Variants in MIB2 observed in about 807,000 individuals in gnomAD.
The protein encoded by MIB2 is MIB E3 ubiquitin protein ligase 2.
In MIB2, 78 loss-of-function variants were observed where a neutral mutation model predicts 96.6. The ratio of observed to expected loss-of-function variants is 0.81; its 90% CI spans 0.67 to 0.97. The LOEUF (loss-of-function observed/expected upper bound fraction) is 0.97. Among genes scored for constraint, MIB2 ranks in the 50% least tolerant of loss-of-function variants. The pLI is 0.00. For missense variants in MIB2, 1,543 were observed against 1,424.0 expected, an observed-to-expected ratio of 1.08 and a Z score of -1.35; for synonymous variants, 820 against 629.5, an observed-to-expected ratio of 1.30 and a Z score of -4.53.
Position 1,623,859 on chromosome 1 carries a change from C to G in MIB2, c.333C>G (p.Asp111Glu), listed in dbSNP as rs200757265. 1 of 1,611,712 alleles carries G rather than the reference C, an allele frequency of 6.2e-7. No homozygotes were observed. ...GMRWKCRVCL[D>E]YDLCTQCYMH... is the part of the protein sequence containing the mutation. The stretch of plus-strand genomic sequence containing the variant: ...GCTGGAAGTGCCGTGTGTGCCTGGA[C>G]TACGACCTCTGCACGCAGTGCTACA... The change falls in exon 4 of 20, where the codon GAC becomes GAG. Residue 111 changes from aspartate (D) to glutamate (E), a missense_variant. By Grantham distance (45) the Asp-to-Glu change is conservative. Transcript: ENST00000355826.
chr1:1,621,883 C>T (rs928151285), intron 2 of MIB2, among the ~76,000 whole-genome samples: 7 of 152,236 alleles, frequency 4.6e-5, no homozygotes, highest in African/African-American at 1.7e-4. Context: ...GGCTCCTCAC[C>T]GGGCCTTGCT....
intron 1 of MIB2, chr1:1,615,894 C>A: frequency 4.8e-6 from 5 of 1,038,140 alleles, no homozygotes; most frequent in Non-Finnish European, 5.8e-6. Flanking sequence ...GCCAGCGGCG[C>A]TGGGGTCGGC....
At position 1,625,441 on chromosome 1, in the gene MIB2, G is replaced by C. The variant is rs376051136; in HGVS notation, c.864+13G>C. The stretch of plus-strand genomic sequence containing the variant: ...CAGGATGGCGGAGGTGAGCCGCCCC[G>C]CCGTGGAGCCCTGTGTGCCCTGCCC... On this transcript the variant is annotated intron_variant, in intron 7 of 19. Coordinates refer to ENST00000355826, the MANE Select transcript of MIB2 (RefSeq NM_001170687.4). The surrounding 1 kb of genome is among the most constrained non-coding windows in gnomAD (Gnocchi z 5.0). The C allele has an allele frequency of 1.9e-6, 3 of 1,562,814 alleles. No homozygotes were observed.
At chr1:1,617,922 T>C (rs1450330355) in intron 2 of MIB2, 1 of 152,242 alleles carries the variant, frequency 6.6e-6, no homozygotes, top group Non-Finnish European at 1.5e-5. Context: ...TCTGAGTAAA[T>C]TTCTGACTGA....
intron 2 of MIB2, among the ~76,000 whole-genome samples, chr1:1,620,496 T>C (rs1012440688): frequency 6.6e-6 from 1 of 152,156 alleles, no homozygotes; most frequent in African/African-American, 2.4e-5. Context: ...TGGCCGATTC[T>C]GGTGGGATCC....
intron 13 of MIB2, 48 bp downstream of exon 13, chr1:1,627,877 T>C: frequency 6.3e-7 from 1 of 1,594,528 alleles, no homozygotes; most frequent in Non-Finnish European, 8.5e-7. Flanking sequence ...TGAGTGCTTG[T>C]CCCTGGCCTG....
Position 1,624,823 on chromosome 1 carries a change from C to CCAT in MIB2, c.449_450insATC (p.Pro150_Arg151insSer). On this transcript the variant is annotated inframe_insertion, in exon 5 of 20. Coordinates refer to ENST00000355826, the MANE Select transcript of MIB2 (RefSeq NM_001170687.4). The stretch of plus-strand genomic sequence containing the variant: ...CACACTGAGTCCCCGCCAGGGCCTC[C>CCAT]CGAGGATCCCACTAAGGGGCATCTT... 6.2e-7 allele frequency: 1 copy of CCAT among 1,613,068 alleles called. No individual in the cohort carries two copies. The highest frequency in any genetic ancestry group is 8.5e-7 in the Non-Finnish European group (1 of 1,179,984).
chr1:1,629,028 T>G, intron 16 of MIB2, 105 bp from the exon 17 acceptor site: 1 of 1,243,470 alleles, frequency 8.0e-7, no homozygotes, highest in Non-Finnish European at 1.1e-6. Flanking sequence ...TTGCCTTGTA[T>G]TTTAGACATG....
In MIB2 at chr1:1,623,636, A is replaced by G. The variant is rs1644462077; in HGVS notation, c.184A>G (p.Thr62Ala). The part of the protein sequence containing the change: ...VVVQWDQGTR[T>A]NYRAGYQGAH... ...CGTGCAGTGGGACCAGGGCACGCGC[A>G]CCAACTACCGCGCCGGCTACCAGGG... The change falls in exon 3 of 20, where the codon ACC (threonine) becomes GCC (alanine). Residue 62 changes from threonine to alanine, a missense_variant. Physicochemically the swap from Thr to Ala is moderately conservative, Grantham distance 58. Transcript: ENST00000355826. 1.4e-6 allele frequency: 2 copies of G among 1,479,086 alleles called. No homozygotes were observed. Among genetic ancestry groups the G allele is most frequent in the Non-Finnish European group, 1.8e-6 (2 of 1,112,736 alleles). 91.6% of individuals were successfully genotyped at this position (1,479,086 alleles called of 1,614,324 possible). A position where few individuals can be genotyped will look rare whatever the true frequency, so the allele number is the denominator to read the frequency against.
In MIB2 at chr1:1,628,673, T is replaced by C. The variant is rs770589202; in HGVS notation, c.2153T>C (p.Val718Ala). ...CAGCGTCATCAGCTGCTGCCCCTGGTGGCTGATGGGGCCGGGGGGGACCCA... is the reference window on the plus strand; with the variant it reads ...CAGCGTCATCAGCTGCTGCCCCTGGCGGCTGATGGGGCCGGGGGGGACCCA... Reference protein sequence around the residue: ...ALQRHQLLPLVADGAGGDPGP... With the variant: ...ALQRHQLLPLAADGAGGDPGP... The change falls in exon 16 of 20, where the codon GTG becomes GCG. Residue 718 changes from valine to alanine, a missense_variant. Transcript: ENST00000355826. 5.1e-6 allele frequency: 8 copies of C among 1,583,990 alleles called. No individual in the cohort carries two copies. The Admixed American group carries it at 1.4e-4, about 28-fold the overall frequency.
At chr1:1,628,943 G>C (rs1645085220) in intron 16 of MIB2, 190 bp from the exon 17 acceptor site, 1 of 720,690 alleles carries the variant, frequency 1.4e-6, no homozygotes, top group African/African-American at 1.8e-5. Context: ...GGGAGAGGTG[G>C]AGCTTAGGGT....
rs769925678 is a variant in MIB2 at position 1,629,277 on chromosome 1, C to T, written c.2347C>T (p.Leu783Phe). The T allele has an allele frequency of 1.3e-6, 2 of 1,542,478 alleles. No homozygotes were observed. Among genetic ancestry groups the T allele is most frequent in the Non-Finnish European group, 1.7e-6 (2 of 1,156,642 alleles). ...PLDLAAEGRVLKALQGCAQRF... is the reference protein window; with the variant it reads ...PLDLAAEGRVFKALQGCAQRF... ...GGACCTGGCCGCCGAGGGTCGCGTG[C>T]TCAAGGCCCTTCAGGGCTGCGCCCA... The change falls in exon 17 of 20, where the codon CTC becomes TTC. Residue 783 changes from leucine to phenylalanine, a missense_variant. Coordinates refer to ENST00000355826, the MANE Select transcript of MIB2 (RefSeq NM_001170687.4).
chr1:1,625,993 A>C lies in MIB2; in HGVS notation c.972+340A>C. The C allele has an allele frequency of 1.2e-5, 3 of 245,320 alleles. No individual in the cohort carries two copies. Among genetic ancestry groups the C allele is most frequent in the Non-Finnish European group, 1.5e-5 (2 of 131,482 alleles). The allele number at this position is 245,320 out of a possible 1,614,324, so 15.2% of individuals were successfully genotyped here. A position where few individuals can be genotyped will look rare whatever the true frequency, so the allele number is the denominator to read the frequency against. On this transcript the variant is annotated intron_variant, in intron 8 of 19. Transcript: ENST00000355826. The surrounding 1 kb of genome is among the most constrained non-coding windows in gnomAD (Gnocchi z 5.0). Reference sequence around the variant, plus strand: ...CCTGGTTAGTGCTGTATGGGGGCCGATGGGGGTGGCTGGTTAGGACAGGGA... The same window carrying C: ...CCTGGTTAGTGCTGTATGGGGGCCGCTGGGGGTGGCTGGTTAGGACAGGGA...
At chr1:1,615,210 C>G, upstream of MIB2, 2 of 650,326 alleles carry the variant, frequency 3.1e-6, no homozygotes, top group Non-Finnish European at 4.8e-6. Context: ...CGGATAGGGC[C>G]CGCACTGGTG....
At chr1:1,613,775 A>T (rs1020008541), upstream of MIB2, 1 of 152,202 alleles carries the variant, frequency 6.6e-6, no homozygotes, top group Non-Finnish European at 1.5e-5. Flanking sequence ...AGAGCTTAGG[A>T]TTTTATTTTT....
chr1:1,625,990 C>T lies in MIB2; in HGVS notation c.972+337C>T. 1 of 328,414 alleles carries T rather than the reference C, an allele frequency of 3.0e-6. No homozygotes were observed. The highest frequency in any genetic ancestry group is 5.6e-6 in the Non-Finnish European group (1 of 178,106). 20.3% of individuals were successfully genotyped at this position (328,414 alleles called of 1,614,324 possible). A position where few individuals can be genotyped will look rare whatever the true frequency, so the allele number is the denominator to read the frequency against. On this transcript the variant is annotated intron_variant, in intron 8 of 19. Transcript: ENST00000355826. The surrounding 1 kb of genome is among the most constrained non-coding windows in gnomAD (Gnocchi z 5.0). ...GCTCCTGGTTAGTGCTGTATGGGGGCCGATGGGGGTGGCTGGTTAGGACAG... is the reference window on the plus strand; with the variant it reads ...GCTCCTGGTTAGTGCTGTATGGGGGTCGATGGGGGTGGCTGGTTAGGACAG...
At chr1:1,615,940 G>C in intron 1 of MIB2, 6 of 989,282 alleles carry the variant, frequency 6.1e-6, no homozygotes, top group Non-Finnish European at 7.2e-6. Context: ...GGGCTGCGGC[G>C]CGCGGCAGGC....
At chr1:1,616,438 G>C in intron 1 of MIB2, 70 bp from the exon 2 acceptor site, 5 of 1,163,812 alleles carry the variant, frequency 4.3e-6, no homozygotes, top group Non-Finnish European at 4.8e-6. Context: ...GCAGCCCCGG[G>C]GGCAGACAGG....
intron 1 of MIB2, 48 bp from the exon 2 acceptor site, chr1:1,616,460 C>T (rs764420176): frequency 3.7e-6 from 5 of 1,340,316 alleles, no homozygotes; most frequent in Non-Finnish European, 3.0e-6. Context: ...GACCGAGCCG[C>T]GGGTCGAGGT....
Sources: allele counts gnomAD v4.1 joint callset (sites outside exome capture counted in the v4.1 genomes callset), GRCh38; gene constraint gnomAD v4.1.1; non-coding constraint Gnocchi (gnomAD v3.1); transcripts MANE v1.5; gene names NCBI Gene and HGNC (gene_info 2026-07-23, HGNC 2026-07-21).